The following RASSF8 variants were observed in gnomAD, a reference collection of about 807,000 sequenced individuals.
RASSF8 encodes Ras association domain family member 8.
In RASSF8, 22 loss-of-function variants were observed where a neutral mutation model predicts 48.5. That is an observed-to-expected ratio of 0.45 (90% CI 0.32 to 0.65). The LOEUF (loss-of-function observed/expected upper bound fraction) is 0.65. RASSF8 is among the 30% of genes least tolerant of loss of function. The pLI is 0.03. For missense variants in RASSF8, 418 were observed against 489.2 expected, an observed-to-expected ratio of 0.85 and a Z score of 1.37; for synonymous variants, 127 against 171.5, an observed-to-expected ratio of 0.74 and a Z score of 2.03.
At chr12:26,015,335 G>A (rs1339477606) in intron 2 of RASSF8, among the ~76,000 whole-genome samples, 1 of 152,198 alleles carries the variant, frequency 6.6e-6, no homozygotes, top group Non-Finnish European at 1.5e-5. Context: ...GGGTTGGAAT[G>A]TTTGAGCCAA....
At chr12:26,001,164 T>A (rs1015947688) in intron 2 of RASSF8, among the ~76,000 whole-genome samples, 2 of 150,832 alleles carry the variant, frequency 1.3e-5, no homozygotes, top group Admixed American at 1.3e-4. Context: ...TTTAATTTTT[T>A]AAAAGTGCAT....
At chr12:26,068,667 A>T (rs1388618050) in intron 5 of RASSF8, 30 bp from the exon 6 acceptor site, 1 of 1,494,428 alleles carries the variant, frequency 6.7e-7, no homozygotes. Context: ...TGACGAGCTC[A>T]TCAGGTGGCT....
chr12:26,077,669 T>G (rs996217937), downstream of RASSF8, among the ~76,000 whole-genome samples: 2 of 152,210 alleles, frequency 1.3e-5, no homozygotes, highest in African/African-American at 2.4e-5. Context: ...ACTGTAGACT[T>G]GTAGTATAGT....
chr12:26,051,322 A>G (rs887838561), intron 2 of RASSF8, among the ~76,000 whole-genome samples: 16 of 152,238 alleles, frequency 1.1e-4, no homozygotes, highest in African/African-American at 3.9e-4. Context: ...ATCACTGGGC[A>G]TGTGTGAATG....
chr12:26,058,723 A>G lies in RASSF8; in HGVS notation c.103+3277A>G, dbSNP rs775748780. ...CAGCTAAGGTTTTCTTCATGCTACT[A>G]ATCAATCAAATTGAATTAGCAAAGA... On this transcript the variant is annotated intron_variant, in intron 3 of 5. Transcript: ENST00000689635. Among the ~76,000 whole-genome samples, 8 of 152,226 alleles carry G rather than the reference A, an allele frequency of 5.3e-5. 1 individual carries two copies. Among genetic ancestry groups the G allele is most frequent in the Non-Finnish European group, 7.3e-5 (5 of 68,034 alleles).
intron 2 of RASSF8, among the ~76,000 whole-genome samples, chr12:26,030,117 C>T (rs1430975672): frequency 2.0e-5 from 3 of 152,078 alleles, no homozygotes; most frequent in Non-Finnish European, 1.5e-5. Context: ...TCTAAATTGT[C>T]TCAAAGTTGA....
At chr12:26,031,321 T>G (rs1038309540) in intron 2 of RASSF8, among the ~76,000 whole-genome samples, 2 of 151,720 alleles carry the variant, frequency 1.3e-5, no homozygotes, top group African/African-American at 4.8e-5. Context: ...TGTTTCAGTA[T>G]TTTTTTTTCT....
Position 26,068,677 on chromosome 12 carries a change from T to A in RASSF8, c.1139-20T>A. On this transcript the variant is annotated intron_variant, in intron 5 of 5. Transcript: ENST00000689635. The stretch of plus-strand genomic sequence containing the variant: ...CAAGTTGACGAGCTCATCAGGTGGC[T>A]CTCTTTGTTTCCTGTTTAGAGGCAC... 2 of 1,514,350 alleles carry A rather than the reference T, an allele frequency of 1.3e-6. No homozygotes were observed. Among genetic ancestry groups the A allele is most frequent in the Admixed American group, 3.9e-5 (2 of 50,836 alleles). The allele number at this position is 1,514,350 out of a possible 1,614,324, so 93.8% of individuals were successfully genotyped here.
chr12:26,017,602 AG>A (rs11318147), intron 2 of RASSF8, among the ~76,000 whole-genome samples: 1,688 of 152,328 alleles, frequency 0.011, 28 homozygotes, highest in African/African-American at 0.039. Flanking sequence ...GTGTCTTGCC[AG>A]GGGCAGTCTA....
intron 1 of RASSF8, among the ~76,000 whole-genome samples, chr12:25,975,079 G>T (rs1941573912): frequency 6.6e-6 from 1 of 152,202 alleles, no homozygotes. Context: ...CTTCTGGAAA[G>T]ATCTTCCTAA....
At chr12:25,969,697 T>G (rs920253213) in intron 1 of RASSF8, among the ~76,000 whole-genome samples, 24 of 152,072 alleles carry the variant, frequency 1.6e-4, no homozygotes, top group African/African-American at 5.3e-4. Flanking sequence ...ACTTTCCAAG[T>G]TTTCTTTGCT....
intron 2 of RASSF8, among the ~76,000 whole-genome samples, chr12:26,000,952 A>G (rs902457712): frequency 1.4e-5 from 2 of 146,042 alleles, no homozygotes; most frequent in Admixed American, 6.8e-5. Flanking sequence ...AACACTGTGT[A>G]CTTAAGCTGC....
rs1160946379 is a variant in RASSF8, at chr12:26,072,436, A to AT, written c.*3623dup. The AT allele has an allele frequency of 1.0e-6, 1 of 974,722 alleles. No homozygotes were observed. The highest frequency in any genetic ancestry group is 1.2e-6 in the Non-Finnish European group (1 of 820,304). 60.4% of individuals were successfully genotyped at this position (974,722 alleles called of 1,614,324 possible). On this transcript the variant is annotated 3_prime_UTR_variant, in exon 6 of 6. Coordinates refer to ENST00000689635, the MANE Select transcript of RASSF8 (RefSeq NM_001394098.1). ...GAGCTCTTTTCAATGCATTTTATAT[A>AT]TTTTTAGAAACCAAATAAATGCAGA... is the stretch of plus-strand genomic sequence containing the variant.
chr12:25,977,624 C>T (rs1380052775), intron 1 of RASSF8, among the ~76,000 whole-genome samples: 1 of 149,192 alleles, frequency 6.7e-6, no homozygotes, highest in African/African-American at 2.5e-5. Context: ...ATTTAGTTGG[C>T]AATATGATTT....
At chr12:26,057,940 C>T (rs1397777278) in intron 3 of RASSF8, among the ~76,000 whole-genome samples, 1 of 152,146 alleles carries the variant, frequency 6.6e-6, no homozygotes, top group Non-Finnish European at 1.5e-5. Flanking sequence ...TGAGAAGTGT[C>T]TGTTCATATC....
intron 2 of RASSF8, among the ~76,000 whole-genome samples, chr12:26,022,506 C>G (rs888558710): frequency 1.6e-4 from 24 of 151,982 alleles, no homozygotes; most frequent in Middle Eastern, 3.4e-3. Context: ...AAACAGTAAA[C>G]AACAAATTAT....
intron 1 of RASSF8, among the ~76,000 whole-genome samples, chr12:25,963,354 C>T (rs796346682): frequency 6.1e-5 from 9 of 147,004 alleles, no homozygotes; most frequent in African/African-American, 2.2e-4. Flanking sequence ...GTCTCATGAC[C>T]TTCCAAGGCC....
chr12:26,005,129 CGT>C (rs1328352461), intron 2 of RASSF8, among the ~76,000 whole-genome samples: 2 of 151,498 alleles, frequency 1.3e-5, no homozygotes, highest in East Asian at 3.9e-4. Context: ...GTACATATAA[CGT>C]GTATTTGTGT....
chr12:26,078,953 G>A, intron 5 of RASSF8: 1 of 1,340,942 alleles, frequency 7.5e-7, no homozygotes, highest in Non-Finnish European at 9.8e-7. Flanking sequence ...TAGTAATTGA[G>A]ATCATGATTA....
Sources: allele counts gnomAD v4.1 joint callset (sites outside exome capture counted in the v4.1 genomes callset), GRCh38; gene constraint gnomAD v4.1.1; transcripts MANE v1.5; gene names NCBI Gene and HGNC (gene_info 2026-07-23, HGNC 2026-07-21).